PLCG1: variants seen among roughly 807,000 people sequenced by gnomAD.
PLCG1 encodes the protein 1-phosphatidylinositol 4,5-bisphosphate phosphodiesterase gamma-1.
In PLCG1, 71 loss-of-function variants were observed where a neutral mutation model predicts 177.8. The ratio of observed to expected loss-of-function variants is 0.40; its 90% CI spans 0.33 to 0.49. The LOEUF is 0.49. Among genes scored for constraint, PLCG1 ranks in the 20% least tolerant of loss-of-function variants. PLCG1 has a pLI of 0.72. For synonymous variants in PLCG1, 658 were observed against 647.9 expected (o/e 1.02, Z -0.24); for missense variants, 1,281 against 1,709.0 (o/e 0.75, Z 4.42).
Position 41,164,903 on chromosome 20 carries a change from G to A in PLCG1, c.1218-30G>A, listed in dbSNP as rs755284597. On this transcript the variant is annotated intron_variant, in intron 12 of 31. Coordinates refer to ENST00000685551, the MANE Select transcript of PLCG1 (RefSeq NM_002660.3). This position sits in a 1 kb window ranked among gnomAD's most constrained non-coding sequence, Gnocchi z 6.4. Reference sequence around the variant, plus strand: ...TTAGACCCAGAGAATTGCAGAATCTGTTTCACTGTGCTTGTCCCCCATCCC... The same window carrying A: ...TTAGACCCAGAGAATTGCAGAATCTATTTCACTGTGCTTGTCCCCCATCCC... 2.6e-5 allele frequency: 41 copies of A among 1,602,694 alleles called. 1 individual carries two copies. The South Asian group carries it at 4.0e-4, about 16-fold the overall frequency.
Position 41,176,138 on chromosome 20 carries a change from G to T in PLCG1, c.*1629G>T, listed in dbSNP as rs144371341. The T allele has an allele frequency of 6.6e-6, 1 of 152,266 alleles. No individual in the cohort carries two copies. Among genetic ancestry groups the T allele is most frequent in the African/African-American group, 2.4e-5 (1 of 41,552 alleles). The allele number at this position is 152,266 out of a possible 1,614,324, so 9.4% of individuals were successfully genotyped here. A position where few individuals can be genotyped will look rare whatever the true frequency, so the allele number is the denominator to read the frequency against. On this transcript the variant is annotated 3_prime_UTR_variant, in exon 32 of 32. Transcript: ENST00000685551. ...TGGGCCCTTTCAACACAGTTGAAAGGCCCTTCTCTTCCTGAAGCTCTGTTT... is the reference window on the plus strand; with the variant it reads ...TGGGCCCTTTCAACACAGTTGAAAGTCCCTTCTCTTCCTGAAGCTCTGTTT...
rs879220340 is a variant in PLCG1 at position 41,175,791 on chromosome 20, C to T, written c.*1282C>T. 4 of 152,634 alleles carry T rather than the reference C, an allele frequency of 2.6e-5. No homozygotes were observed. The highest frequency in any genetic ancestry group is 1.9e-4 in the East Asian group (1 of 5,198). 9.5% of individuals were successfully genotyped at this position (152,634 alleles called of 1,614,324 possible). ...ATGGGACATGCTCACTAGAAACAGT[C>T]GCCAGATGATTATTCTGCAGTAGAA... On this transcript the variant is annotated 3_prime_UTR_variant, in exon 32 of 32. Transcript: ENST00000685551.
In PLCG1 at chr20:41,166,113, C is replaced by G. The variant is rs1203590739; in HGVS notation, c.1800-81C>G. The G allele has an allele frequency of 3.1e-6, 4 of 1,278,202 alleles. No individual in the cohort carries two copies. Among genetic ancestry groups the G allele is most frequent in the Non-Finnish European group, 4.4e-6 (4 of 900,724 alleles). The allele number at this position is 1,278,202 out of a possible 1,614,324, so 79.2% of individuals were successfully genotyped here. On this transcript the variant is annotated intron_variant, in intron 16 of 31. Transcript: ENST00000685551. The surrounding 1 kb of genome is among the most constrained non-coding windows in gnomAD (Gnocchi z 8.6). ...CTCCTTGAGGCTCCCTCCTTGAGTT[C>G]CACCCTCATTTGGGGTGGAACTTGG...
chr20:41,154,941 A>G (rs968450027), intron 1 of PLCG1, among the ~76,000 whole-genome samples: 1 of 152,180 alleles, frequency 6.6e-6, no homozygotes, highest in Admixed American at 6.5e-5. Flanking sequence ...AGGGAAAGCA[A>G]CTGCCATTAC....
chr20:41,138,706 A>T (rs1054516106), intron 1 of PLCG1, among the ~76,000 whole-genome samples: 2 of 152,110 alleles, frequency 1.3e-5, no homozygotes, highest in Non-Finnish European at 2.9e-5. Flanking sequence ...CGGTGGCTTC[A>T]GGGAGCGGGA....
In PLCG1 at chr20:41,163,917, C is replaced by G. The variant is rs762004278; in HGVS notation, c.1011-4C>G. On this transcript the variant is annotated splice_region_variant and splice_polypyrimidine_tract_variant and intron_variant, in intron 10 of 31. Coordinates refer to ENST00000685551, the MANE Select transcript of PLCG1 (RefSeq NM_002660.3). The surrounding 1 kb of genome is among the most constrained non-coding windows in gnomAD (Gnocchi z 5.2). ...TACCTACCTGCCTCTCCTTGCCTAT[C>G]CAGGTACCTGACCGGGGACCAGTTC... 6.2e-7 allele frequency: 1 copy of G among 1,613,940 alleles called. No individual in the cohort carries two copies. The highest frequency in any genetic ancestry group is 8.5e-7 in the Non-Finnish European group (1 of 1,179,848).
At position 41,164,189 on chromosome 20, in the gene PLCG1, T is replaced by C; in HGVS notation, c.1205T>C (p.Phe402Ser). Residue 402 changes from phenylalanine (F) to serine (S), a missense_variant, in exon 12 of 32, where the codon TTT becomes TCT. Around this residue, in one of 4 missense-constraint regions of PLCG1, gnomAD observed 723 missense variants for 1,030.0 expected, o/e 0.70. Transcript: ENST00000685551. This position sits in a 1 kb window ranked among gnomAD's most constrained non-coding sequence, Gnocchi z 6.4. ...CTGCACACCATCAAGGAGCATGCCT[T>C]TGTGGCCTCAGAGTGAGTCGGAGGC... ...DVLHTIKEHA[F>S]VASEYPVILS... 1.9e-6 allele frequency: 3 copies of C among 1,614,070 alleles called. No individual in the cohort carries two copies. The highest frequency in any genetic ancestry group is 2.5e-6 in the Non-Finnish European group (3 of 1,180,012).
chr20:41,161,659 G>A (rs145138317), intron 4 of PLCG1, among the ~76,000 whole-genome samples: 182 of 152,152 alleles, frequency 1.2e-3, no homozygotes, highest in African/African-American at 4.1e-3. Context: ...CAGCCCCCTC[G>A]GGGAATTTTG....
intron 24 of PLCG1, among the ~76,000 whole-genome samples, chr20:41,171,083 AG>A (rs1434511801): frequency 6.6e-6 from 1 of 152,212 alleles, no homozygotes; most frequent in African/African-American, 2.4e-5. Flanking sequence ...AGTATTCTCA[AG>A]GGTTAGGGAA....
At position 41,165,420 on chromosome 20, in the gene PLCG1, G is replaced by C; in HGVS notation, c.1510-30G>C. The C allele has an allele frequency of 6.2e-7, 1 of 1,613,836 alleles. No homozygotes were observed. The highest frequency in any genetic ancestry group is 8.5e-7 in the Non-Finnish European group (1 of 1,179,768). ...TAGGCCAGTGGGTGTGAGGACCCTG[G>C]CTCACAAGTCCCTCTTTGGTCTGTT... On this transcript the variant is annotated intron_variant, in intron 14 of 31. Coordinates refer to ENST00000685551, the MANE Select transcript of PLCG1 (RefSeq NM_002660.3). This position sits in a 1 kb window ranked among gnomAD's most constrained non-coding sequence, Gnocchi z 6.6.
rs1052859760 is a variant in PLCG1, at chr20:41,176,236, G to A, written c.*1727G>A. Reference sequence around the variant, plus strand: ...AATTTAAGATAGATCCGGTTCCGTGGATGACATGAACTGATGATAGCCAGT... The same window carrying A: ...AATTTAAGATAGATCCGGTTCCGTGAATGACATGAACTGATGATAGCCAGT... On this transcript the variant is annotated 3_prime_UTR_variant, in exon 32 of 32. Transcript: ENST00000685551. 5 of 151,732 alleles carry A rather than the reference G, an allele frequency of 3.3e-5. No homozygotes were observed. Among genetic ancestry groups the A allele is most frequent in the African/African-American group, 1.2e-4 (5 of 41,364 alleles). 9.4% of individuals were successfully genotyped at this position (151,732 alleles called of 1,614,324 possible).
In PLCG1 at chr20:41,163,026, T is replaced by G; in HGVS notation, c.716+34T>G. ...TGGAGTGGGGAGGTGGGGTTTTCCCTGGGCCCCCTTCATCTCTCCACTGGG... is the reference window on the plus strand; with the variant it reads ...TGGAGTGGGGAGGTGGGGTTTTCCCGGGGCCCCCTTCATCTCTCCACTGGG... On this transcript the variant is annotated intron_variant, in intron 7 of 31. Coordinates refer to ENST00000685551, the MANE Select transcript of PLCG1 (RefSeq NM_002660.3). The surrounding 1 kb of genome is among the most constrained non-coding windows in gnomAD (Gnocchi z 5.2). 2.5e-6 allele frequency: 4 copies of G among 1,608,620 alleles called. No homozygotes were observed. Among genetic ancestry groups the G allele is most frequent in the Non-Finnish European group, 3.4e-6 (4 of 1,175,038 alleles).
At chr20:41,169,637 C>T (rs1215059781) in intron 23 of PLCG1, 111 bp downstream of exon 23, 1 of 838,730 alleles carries the variant, frequency 1.2e-6, no homozygotes, top group Admixed American at 2.0e-5. Context: ...AAAGTCTGCC[C>T]TCACTCCAAG....
Position 41,166,495 on chromosome 20 carries a change from A to T in PLCG1, c.2020A>T (p.Thr674Ser), listed in dbSNP as rs2035698394. ...TCTCAGGTGGTACCACGCGAGCCTGACCAGAGCACAGGCTGAGCACATGCT... is the reference window on the plus strand; with the variant it reads ...TCTCAGGTGGTACCACGCGAGCCTGTCCAGAGCACAGGCTGAGCACATGCT... ...ESKEWYHASL[T>S]RAQAEHMLMR... Residue 674 changes from threonine to serine, a missense_variant, in exon 18 of 32, where the codon ACC becomes TCC. By Grantham distance (58) the Thr-to-Ser change is moderately conservative. This residue lies in a region of PLCG1 where 723 missense variants were observed against 1,030.0 expected (regional missense o/e 0.70). Coordinates refer to ENST00000685551, the MANE Select transcript of PLCG1 (RefSeq NM_002660.3). This position sits in a 1 kb window ranked among gnomAD's most constrained non-coding sequence, Gnocchi z 8.6. The T allele has an allele frequency of 1.9e-6, 3 of 1,613,942 alleles. No individual in the cohort carries two copies. The highest frequency in any genetic ancestry group is 1.7e-6 in the Non-Finnish European group (2 of 1,180,028).
At position 41,164,094 on chromosome 20, in the gene PLCG1, C is replaced by T. The variant is rs200370037; in HGVS notation, c.1110C>T (p.Asp370=). 2.1e-5 allele frequency: 34 copies of T among 1,614,154 alleles called. No homozygotes were observed. Among genetic ancestry groups the T allele is most frequent in the South Asian group, 1.9e-4 (17 of 91,074 alleles). ...GTTGCTCCCCAGTGGACTGCTGGGA[C>T]GGCCCGGATGGGATGCCAGTTATTT... ...GCRCIELDCW[D]GPDGMPVIYH... The change falls in exon 12 of 32, where the codon GAC becomes GAT. Residue 370 remains aspartate, a synonymous_variant. Transcript: ENST00000685551. The surrounding 1 kb of genome is among the most constrained non-coding windows in gnomAD (Gnocchi z 6.4).
intron 4 of PLCG1, chr20:41,162,235 G>GTTTTTTTTTTTTTTTTTTTTTTT (rs11426520): frequency 3.5e-5 from 5 of 143,644 alleles, no homozygotes; most frequent in South Asian, 1.2e-4. Context: ...TTTTGTTTTT[G>GTTTTTTTTTTTTTTTTTTTTTTT]TTTTTTTTTT....
chr20:41,142,400 G>C (rs1278923728), intron 1 of PLCG1, among the ~76,000 whole-genome samples: 1 of 152,268 alleles, frequency 6.6e-6, no homozygotes, highest in Non-Finnish European at 1.5e-5. Flanking sequence ...AGCGGAGGCT[G>C]TTGTGGGACT....
rs776240478 is a variant in PLCG1 at position 41,169,136 on chromosome 20, A to C, written c.2541A>C (p.Glu847Asp). The C allele has an allele frequency of 1.9e-6, 3 of 1,613,772 alleles. No individual in the cohort carries two copies. Among genetic ancestry groups the C allele is most frequent in the Admixed American group, 3.3e-5 (2 of 60,038 alleles). The change falls in exon 22 of 32, where the codon GAA becomes GAC. Residue 847 changes from glutamate to aspartate, a missense_variant. This residue lies in a region of PLCG1 where 723 missense variants were observed against 1,030.0 expected (regional missense o/e 0.70). Coordinates refer to ENST00000685551, the MANE Select transcript of PLCG1 (RefSeq NM_002660.3). ...KQLWFPSNYV[E>D]EMVNPVALEP... ...TGTGGTTCCCATCAAACTACGTGGA[A>C]GAGATGGTCAACCCCGTGGCCCTGG...
intron 21 of PLCG1, 58 bp downstream of exon 21, chr20:41,168,928 A>G: frequency 8.0e-7 from 1 of 1,253,054 alleles, no homozygotes; most frequent in Non-Finnish European, 1.2e-6. Context: ...CTGGGGCCCC[A>G]AAGACATGCA....
Sources: gnomAD v4.1 joint callset for allele counts (sites outside exome capture counted in the v4.1 genomes callset) on GRCh38, gnomAD v4.1.1 for gene constraint, gnomAD v4.1.1 regional missense constraint, Gnocchi (gnomAD v3.1) non-coding constraint, MANE v1.5 for transcripts, NCBI Gene and HGNC (gene_info 2026-07-23, HGNC 2026-07-21) for gene names.